HTR1F: variants seen among roughly 807,000 people sequenced by gnomAD.
HTR1F encodes the protein 5-hydroxytryptamine (serotonin) receptor 1F, G protein-coupled.
Under a neutral mutation model 24.0 loss-of-function variants are expected in HTR1F, and 17 were observed. That is an observed-to-expected ratio of 0.71 (90% CI 0.48 to 1.06). The LOEUF is 1.06. Among genes scored for constraint, HTR1F ranks in the 50% least tolerant of loss-of-function variants. The probability of loss-of-function intolerance (pLI) is 0.00; values close to 1 mark genes in which losing one functional copy is unlikely to be tolerated. For missense variants in HTR1F, 391 were observed against 427.8 expected, an observed-to-expected ratio of 0.91 and a Z score of 0.76; for synonymous variants, 186 against 156.8, an observed-to-expected ratio of 1.19 and a Z score of -1.39.
At chr3:87,978,255 A>G (rs1705442459) in intron 2 of HTR1F, among the ~76,000 whole-genome samples, 1 of 152,174 alleles carries the variant, frequency 6.6e-6, no homozygotes, top group Admixed American at 6.5e-5. Context: ...TCTCGAGTGC[A>G]CCACTCCCTG....
At chr3:87,839,477 T>C (rs1344321772) in intron 2 of HTR1F, among the ~76,000 whole-genome samples, 3 of 152,150 alleles carry the variant, frequency 2.0e-5, no homozygotes, top group African/African-American at 7.2e-5. Context: ...TATATTTTCA[T>C]GTTGGATAGT....
intron 2 of HTR1F, among the ~76,000 whole-genome samples, chr3:87,930,678 T>A (rs1704241054): frequency 6.6e-6 from 1 of 152,174 alleles, no homozygotes; most frequent in Non-Finnish European, 1.5e-5. Flanking sequence ...TGCTTCTGGA[T>A]TCAGCTTGCC....
chr3:87,852,380 C>A (rs1705106180), intron 2 of HTR1F, among the ~76,000 whole-genome samples: 1 of 151,636 alleles, frequency 6.6e-6, no homozygotes, highest in Admixed American at 6.6e-5. Context: ...ATGTAGCCTC[C>A]ATGGCTTATT....
chr3:87,939,156 TTTA>T lies in HTR1F; in HGVS notation c.-42-51550_-42-51548del, dbSNP rs533050722. Among the ~76,000 whole-genome samples, 318 of 152,350 alleles carry T rather than the reference TTTA, an allele frequency of 2.1e-3. 1 individual carries two copies. The highest frequency in any genetic ancestry group is 6.8e-3 in the Middle Eastern group (2 of 294). ...CGTGTAGTTTTTGTCATTGGTTCTC[TTTA>T]TGTGACGGATTACATTTATTGGTTT... On this transcript the variant is annotated intron_variant, in intron 2 of 2. Coordinates refer to ENST00000319595, the MANE Select transcript of HTR1F (RefSeq NM_001322209.2).
chr3:87,898,642 A>G (rs1485878799), intron 2 of HTR1F, among the ~76,000 whole-genome samples: 1 of 152,172 alleles, frequency 6.6e-6, no homozygotes, highest in African/African-American at 2.4e-5. Context: ...AGTAACTACC[A>G]TATACTAGGC....
intron 2 of HTR1F, among the ~76,000 whole-genome samples, chr3:87,930,776 C>T (rs1168371063): frequency 6.6e-6 from 1 of 152,060 alleles, no homozygotes; most frequent in Non-Finnish European, 1.5e-5. Flanking sequence ...CAGTGCCTAA[C>T]ACATAATTAT....
chr3:87,803,404 C>G (rs1488754285), intron 1 of HTR1F, among the ~76,000 whole-genome samples: 1 of 152,100 alleles, frequency 6.6e-6, no homozygotes, highest in Non-Finnish European at 1.5e-5. Flanking sequence ...GCAGGTGCAA[C>G]ATCTCATTGA....
At chr3:87,810,689 A>T (rs1704145236) in intron 1 of HTR1F, among the ~76,000 whole-genome samples, 1 of 152,202 alleles carries the variant, frequency 6.6e-6, no homozygotes, top group Non-Finnish European at 1.5e-5. Context: ...TGGTATCACT[A>T]GTCATTTTCT....
chr3:87,870,358 A>T (rs1171564566), intron 2 of HTR1F, among the ~76,000 whole-genome samples: 1 of 152,150 alleles, frequency 6.6e-6, no homozygotes, highest in Admixed American at 6.6e-5. Context: ...CAACTAAGAC[A>T]GTAACTTAAT....
chr3:87,869,424 G>GATACATCCATAC (rs1328483938), intron 2 of HTR1F, among the ~76,000 whole-genome samples: 1 of 135,652 alleles, frequency 7.4e-6, no homozygotes, highest in African/African-American at 2.9e-5. Flanking sequence ...TAGATAGATA[G>GATACATCCATAC]ATAGATAGAT....
At chr3:87,822,694 C>T (rs1432215937) in intron 2 of HTR1F, among the ~76,000 whole-genome samples, 2 of 152,064 alleles carry the variant, frequency 1.3e-5, no homozygotes, top group Non-Finnish European at 2.9e-5. Context: ...TGCTTATTGC[C>T]CAGCCCAGTC....
intron 2 of HTR1F, among the ~76,000 whole-genome samples, chr3:87,916,302 CAAA>C (rs1227296855): frequency 4.3e-5 from 1 of 23,194 alleles, no homozygotes; most frequent in African/African-American, 1.2e-4. Context: ...AGTTAAAAAG[CAAA>C]AAAGAAAAAA....
In HTR1F at chr3:87,915,481, T is replaced by G. The variant is rs559342977; in HGVS notation, c.-42-75227T>G. Among the ~76,000 whole-genome samples, 47 of 152,108 alleles carry G rather than the reference T, an allele frequency of 3.1e-4. No individual in the cohort carries two copies. In the South Asian group the frequency reaches 9.7e-3, roughly 32 times the overall value. On this transcript the variant is annotated intron_variant, in intron 2 of 2. Coordinates refer to ENST00000319595, the MANE Select transcript of HTR1F (RefSeq NM_001322209.2). ...GATACAAGAAGTGAAGGGAGAAATATTCAAAGAAATAGACAGCATAAAGAA... is the reference window on the plus strand; with the variant it reads ...GATACAAGAAGTGAAGGGAGAAATAGTCAAAGAAATAGACAGCATAAAGAA...
Position 87,967,971 on chromosome 3 carries a change from G to A in HTR1F, c.-42-22737G>A, listed in dbSNP as rs1420176326. On this transcript the variant is annotated intron_variant, in intron 2 of 2. Transcript: ENST00000319595. Reference sequence around the variant, plus strand: ...TGGAGGGCTCAGAAGACAGGAAGATGTGGGAAAGTTTGGAACTTCCTGTAG... The same window carrying A: ...TGGAGGGCTCAGAAGACAGGAAGATATGGGAAAGTTTGGAACTTCCTGTAG... Among the ~76,000 whole-genome samples the A allele has an allele frequency of 5.3e-5, 8 of 152,322 alleles. No homozygotes were observed. In the East Asian group the frequency reaches 1.5e-3, roughly 29 times the overall value.
At chr3:87,979,698 T>G (rs1705499354) in intron 2 of HTR1F, among the ~76,000 whole-genome samples, 2 of 152,202 alleles carry the variant, frequency 1.3e-5, no homozygotes, top group South Asian at 4.1e-4. Context: ...TCAGTTTGGC[T>G]GCCAGCCAAG....
chr3:87,796,277 A>G (rs1187919035), intron 1 of HTR1F, among the ~76,000 whole-genome samples: 1 of 152,112 alleles, frequency 6.6e-6, no homozygotes, highest in Non-Finnish European at 1.5e-5. Flanking sequence ...TCATGTCTAG[A>G]TTTATGACCA....
At chr3:87,932,669 T>C (rs1344393352) in intron 2 of HTR1F, among the ~76,000 whole-genome samples, 10 of 152,068 alleles carry the variant, frequency 6.6e-5, no homozygotes, top group Non-Finnish European at 1.0e-4. Context: ...GTTGAATCTC[T>C]GAATAGACTA....
At position 87,991,928 on chromosome 3, in the gene HTR1F, C is replaced by T. The variant is rs912808927; in HGVS notation, c.*78C>T. 7.1e-6 allele frequency: 9 copies of T among 1,262,714 alleles called. No homozygotes were observed. In the African/African-American group the frequency reaches 1.4e-4, roughly 19 times the overall value. 78.2% of individuals were successfully genotyped at this position (1,262,714 alleles called of 1,614,324 possible). ...TAGATGAATGCCAAATAATAAAACA[C>T]TTAAGCTTTTAGAGGGAAATACATG... On this transcript the variant is annotated 3_prime_UTR_variant, in exon 3 of 3. Transcript: ENST00000319595.
At chr3:87,880,622 G>T (rs192214150) in intron 2 of HTR1F, among the ~76,000 whole-genome samples, 1 of 149,420 alleles carries the variant, frequency 6.7e-6, no homozygotes, top group Non-Finnish European at 1.5e-5. Flanking sequence ...AAATTGTTCA[G>T]CTACAAAATG....
Sources: allele counts gnomAD v4.1 joint callset (sites outside exome capture counted in the v4.1 genomes callset), GRCh38; gene constraint gnomAD v4.1.1; transcripts MANE v1.5; gene names NCBI Gene and HGNC (gene_info 2026-07-23, HGNC 2026-07-21).